The following TCERG1 variants were observed in gnomAD, a reference collection of about 807,000 sequenced individuals.
TCERG1 encodes the protein transcription elongation regulator 1.
In TCERG1, 37 loss-of-function variants were observed where a neutral mutation model predicts 144.7. The ratio of observed to expected loss-of-function variants is 0.26; its 90% confidence interval spans 0.20 to 0.34. TCERG1 has a LOEUF of 0.34. Ranked by LOEUF, TCERG1 falls within the 10% of genes least tolerant of loss-of-function variation. TCERG1 has a pLI of 1.00. For synonymous variants in TCERG1, 492 were observed against 458.2 expected (o/e 1.07, Z -0.94); for missense variants, 1,027 against 1,380.7 (o/e 0.74, Z 4.06).
rs527630546 is a variant in TCERG1 at position 146,507,960 on chromosome 5, A to G, written c.3045+4A>G. Reference sequence around the variant, plus strand: ...TAAGTTCTCCTCCAGTGACAGGGTAAGAGGATTTTGTGTCGAGATTTACTG... The same window carrying G: ...TAAGTTCTCCTCCAGTGACAGGGTAGGAGGATTTTGTGTCGAGATTTACTG... On this transcript the variant is annotated splice_donor_region_variant and intron_variant, in intron 21 of 22. Coordinates refer to ENST00000679501, the MANE Select transcript of TCERG1 (RefSeq NM_001382548.1). The surrounding 1 kb of genome is among the most constrained non-coding windows in gnomAD (Gnocchi z 4.6). 2 of 1,599,484 alleles carry G rather than the reference A, an allele frequency of 1.3e-6. No individual in the cohort carries two copies. The highest frequency in any genetic ancestry group is 2.7e-5 in the African/African-American group (2 of 74,576).
Position 146,480,114 on chromosome 5 carries a change from T to C in TCERG1, c.1886+20T>C. 1 of 1,548,958 alleles carries C rather than the reference T, an allele frequency of 6.5e-7. No homozygotes were observed. The highest frequency in any genetic ancestry group is 8.8e-7 in the Non-Finnish European group (1 of 1,140,648). On this transcript the variant is annotated intron_variant, in intron 12 of 22. Transcript: ENST00000679501. ...ACGGAAGTAAGTAATACATACGATT[T>C]GATTGAGGTAGATTATATCTTTTAA... is the stretch of plus-strand genomic sequence containing the variant.
At chr5:146,500,437 A>G (rs956392490) in intron 17 of TCERG1, among the ~76,000 whole-genome samples, 5 of 152,132 alleles carry the variant, frequency 3.3e-5, no homozygotes. Flanking sequence ...CTGAGTAATT[A>G]GATAGCAAGA....
At position 146,470,295 on chromosome 5, in the gene TCERG1, T is replaced by C. The variant is rs138984641; in HGVS notation, c.1400-341T>C. Among the ~76,000 whole-genome samples the C allele has an allele frequency of 5.4e-4, 83 of 152,320 alleles. 1 individual carries two copies. The highest frequency in any genetic ancestry group is 1.9e-3 in the African/African-American group (81 of 41,568). On this transcript the variant is annotated intron_variant, in intron 7 of 22. Coordinates refer to ENST00000679501, the MANE Select transcript of TCERG1 (RefSeq NM_001382548.1). ...TGAGGATTATAGGTATGTGTCATTGTGCCCAGCTCACCAAACCCCCTTTTC... is the reference window on the plus strand; with the variant it reads ...TGAGGATTATAGGTATGTGTCATTGCGCCCAGCTCACCAAACCCCCTTTTC...
chr5:146,496,376 T>C (rs955777357), intron 16 of TCERG1, among the ~76,000 whole-genome samples: 1 of 152,126 alleles, frequency 6.6e-6, no homozygotes, highest in Admixed American at 6.5e-5. Context: ...CACACATATA[T>C]TAGTGTTTGA....
At chr5:146,473,701 G>A (rs539889713) in intron 9 of TCERG1, among the ~76,000 whole-genome samples, 7 of 152,258 alleles carry the variant, frequency 4.6e-5, no homozygotes, top group African/African-American at 1.7e-4. Flanking sequence ...TACTCTGCTT[G>A]TGCTTTATAA....
At chr5:146,489,123 C>T (rs559624100) in intron 15 of TCERG1, among the ~76,000 whole-genome samples, 1 of 152,232 alleles carries the variant, frequency 6.6e-6, no homozygotes, top group African/African-American at 2.4e-5. Context: ...AGATTAAGTC[C>T]TGGCGTTGTG....
At chr5:146,476,347 T>C (rs1764837268) in intron 9 of TCERG1, among the ~76,000 whole-genome samples, 1 of 152,340 alleles carries the variant, frequency 6.6e-6, no homozygotes, top group East Asian at 1.9e-4. Context: ...TCAATGATAG[T>C]GACCTAATTA....
At chr5:146,497,115 A>C (rs1011834142) in intron 16 of TCERG1, among the ~76,000 whole-genome samples, 2 of 151,210 alleles carry the variant, frequency 1.3e-5, no homozygotes, top group Non-Finnish European at 2.9e-5. Context: ...CAACTGATCC[A>C]CCTGCCTTGG....
intron 1 of TCERG1, 106 bp from the exon 2 acceptor site, chr5:146,454,950 A>G: frequency 8.1e-7 from 1 of 1,231,350 alleles, no homozygotes; most frequent in Non-Finnish European, 1.1e-6. Context: ...TTCCAACTCC[A>G]CTTAGACTTA....
intron 15 of TCERG1, among the ~76,000 whole-genome samples, chr5:146,487,407 A>G (rs886756405): frequency 8.5e-5 from 13 of 152,168 alleles, no homozygotes; most frequent in African/African-American, 2.2e-4. Context: ...ATTCAGTGCA[A>G]TCTGTATCAA....
Position 146,478,614 on chromosome 5 carries a change from C to T in TCERG1, c.1723C>T (p.Pro575Ser). The change falls in exon 10 of 23, where the codon CCC (proline) becomes TCC (serine). Residue 575 changes from proline (P) to serine (S), a missense_variant. Pro to Ser is a moderately conservative substitution (Grantham distance 74). Around this residue, in one of 6 missense-constraint regions of TCERG1, gnomAD observed 482 missense variants for 632.6 expected, o/e 0.76. Transcript: ENST00000679501. The part of the protein sequence containing the change: ...RADVDKIIQE[P>S]PHKKGMEELK... ...AGATGTTGACAAAATTATTCAGGAG[C>T]CCCCTCATAAAAAAGGAATGGAGGA... 6.2e-7 allele frequency: 1 copy of T among 1,603,358 alleles called. No homozygotes were observed. The highest frequency in any genetic ancestry group is 8.5e-7 in the Non-Finnish European group (1 of 1,176,508).
intron 9 of TCERG1, among the ~76,000 whole-genome samples, chr5:146,477,788 C>G (rs1764990114): frequency 6.7e-6 from 1 of 149,210 alleles, no homozygotes; most frequent in Non-Finnish European, 1.5e-5. Context: ...GCCTTGACCT[C>G]CCGGGCTCAG....
chr5:146,451,172 A>G (rs917897029), intron 1 of TCERG1, among the ~76,000 whole-genome samples: 5 of 152,214 alleles, frequency 3.3e-5, no homozygotes, highest in African/African-American at 1.2e-4. Flanking sequence ...TATTAACTCA[A>G]GCCTGAAACA....
intron 5 of TCERG1, among the ~76,000 whole-genome samples, chr5:146,466,927 T>A (rs1241737328): frequency 6.6e-6 from 1 of 152,216 alleles, no homozygotes; most frequent in Non-Finnish European, 1.5e-5. Flanking sequence ...CTGTGCTGAG[T>A]TTAGTAGGTT....
intron 19 of TCERG1, chr5:146,505,446 C>T (rs1359068477): frequency 6.7e-6 from 1 of 148,958 alleles, no homozygotes; most frequent in Non-Finnish European, 1.5e-5. Flanking sequence ...TCATTTCTTA[C>T]CTCCCACCTT....
Position 146,479,852 on chromosome 5 carries a change from C to G in TCERG1, c.1763-3C>G, listed in dbSNP as rs780473936. The G allele has an allele frequency of 1.2e-6, 2 of 1,613,012 alleles. No homozygotes were observed. The highest frequency in any genetic ancestry group is 1.7e-6 in the Non-Finnish European group (2 of 1,179,482). The stretch of plus-strand genomic sequence containing the variant: ...GTAACAATATTTGAAATGTTTTTGC[C>G]AGGGCACCCAACTCCGACAATGCTG... On this transcript the variant is annotated splice_polypyrimidine_tract_variant and splice_region_variant and intron_variant, in intron 10 of 22. Transcript: ENST00000679501.
At position 146,463,586 on chromosome 5, in the gene TCERG1, G is replaced by C. The variant is rs1763524657; in HGVS notation, c.928G>C (p.Val310Leu). The C allele has an allele frequency of 1.2e-6, 2 of 1,614,184 alleles. No individual in the cohort carries two copies. The highest frequency in any genetic ancestry group is 1.7e-5 in the Admixed American group (1 of 60,018). Residue 310 changes from valine to leucine, a missense_variant, in exon 5 of 23, where the codon GTT (valine) becomes CTT (leucine). Coordinates refer to ENST00000679501, the MANE Select transcript of TCERG1 (RefSeq NM_001382548.1). Reference protein sequence around the residue: ...TTQDQTPSSAVSVATPTVSVS... With the variant: ...TTQDQTPSSALSVATPTVSVS... ...ACAAGATCAGACCCCAAGTTCTGCT[G>C]TTTCAGTTGCCACGCCTACAGTTAG...
rs772350693 is a variant in TCERG1, at chr5:146,510,615, G to A, written c.3321G>A (p.Ser1107=). Residue 1107 remains serine (S), a synonymous_variant, in exon 23 of 23, where the codon TCG becomes TCA. Transcript: ENST00000679501. Reference sequence around the variant, plus strand: ...GTCCACCCCCACCTCCCACAGCATCGGAGCCCACGAGACGATCAACAAAAT... The same window carrying A: ...GTCCACCCCCACCTCCCACAGCATCAGAGCCCACGAGACGATCAACAAAAT... ...RRGPPPPPTA[S]EPTRRSTK 1.0e-5 allele frequency: 16 copies of A among 1,606,940 alleles called. No individual in the cohort carries two copies. Among genetic ancestry groups the A allele is most frequent in the East Asian group, 2.2e-5 (1 of 44,556 alleles).
intron 10 of TCERG1, 29 bp from the exon 11 acceptor site, chr5:146,479,826 T>C (rs200562667): frequency 1.9e-6 from 3 of 1,612,380 alleles, no homozygotes; most frequent in African/African-American, 1.3e-5. Flanking sequence ...CAAATGACTT[T>C]GTAACAATAT....
Sources: gnomAD v4.1 joint callset for allele counts (sites outside exome capture counted in the v4.1 genomes callset) on GRCh38, gnomAD v4.1.1 for gene constraint, gnomAD v4.1.1 regional missense constraint, Gnocchi (gnomAD v3.1) non-coding constraint, MANE v1.5 for transcripts, NCBI Gene and HGNC (gene_info 2026-07-23, HGNC 2026-07-21) for gene names.